MAML2: variants seen among roughly 807,000 people sequenced by gnomAD.
The protein encoded by MAML2 is mastermind-like protein 2.
MAML2 carries 22 observed loss-of-function variants against 96.1 expected under a neutral mutation model. The ratio of observed to expected loss-of-function variants is 0.23; its 90% CI spans 0.16 to 0.33. The LOEUF (loss-of-function observed/expected upper bound fraction) is 0.33, where lower values mean the gene tolerates loss of function less well. MAML2 is among the 10% of genes least tolerant of loss of function. The pLI is 1.00. For synonymous variants in MAML2, 561 were observed against 521.3 expected (o/e 1.08, Z -1.04); for missense variants, 1,367 against 1,392.4 (o/e 0.98, Z 0.29).
chr11:96,071,150 CAA>C (rs1859339521), intron 2 of MAML2, among the ~76,000 whole-genome samples: 1 of 152,206 alleles, frequency 6.6e-6, no homozygotes, highest in Non-Finnish European at 1.5e-5. Context: ...CAGAATGGGA[CAA>C]GAGTCAAAAG....
chr11:96,077,217 C>CCCTTTT lies in MAML2; in HGVS notation c.2139+14674_2139+14675insAAAAGG, dbSNP rs558743001. ...CTGACTTTTTACCCCAACTCTCTCT[C>CCCTTTT]TCTTTTTTTTTTTTTTTTTTTTAAA... On this transcript the variant is annotated intron_variant, in intron 2 of 4. Transcript: ENST00000524717. Among the ~76,000 whole-genome samples, 6 of 38,514 alleles carry CCCTTTT rather than the reference C, an allele frequency of 1.6e-4. No homozygotes were observed. The South Asian group carries it at 2.2e-3, about 14-fold the overall frequency. 25.3% of individuals were successfully genotyped at this position (38,514 alleles called of 152,430 possible).
intron 1 of MAML2, among the ~76,000 whole-genome samples, chr11:96,110,383 C>T (rs1198252639): frequency 6.6e-6 from 1 of 152,206 alleles, no homozygotes; most frequent in Non-Finnish European, 1.5e-5. Flanking sequence ...AGGATTCCGC[C>T]ATCTTGCCTA....
chr11:96,290,948 A>T (rs928794075), intron 1 of MAML2, among the ~76,000 whole-genome samples: 2 of 151,972 alleles, frequency 1.3e-5, no homozygotes, highest in Non-Finnish European at 2.9e-5. Context: ...CCTTCATCTT[A>T]TCAGGCTTGT....
At chr11:96,002,803 AG>A (rs1858107550) in intron 2 of MAML2, among the ~76,000 whole-genome samples, 1 of 112,836 alleles carries the variant, frequency 8.9e-6, no homozygotes, top group Admixed American at 9.1e-5. Flanking sequence ...GGGATGATGA[AG>A]ATGATGATGG....
intron 2 of MAML2, among the ~76,000 whole-genome samples, chr11:96,038,804 T>C (rs11021396): frequency 0.12 from 18,166 of 152,316 alleles, 1,378 homozygotes; most frequent in Admixed American, 0.17. Flanking sequence ...TTTCCTTATA[T>C]ACTTATTGTT....
chr11:96,003,156 G>T (rs974712095), intron 2 of MAML2, among the ~76,000 whole-genome samples: 1 of 149,270 alleles, frequency 6.7e-6, no homozygotes, highest in Non-Finnish European at 1.5e-5. Context: ...GGGATGAGGA[G>T]GATGATGGGG....
chr11:96,317,577 T>C (rs1466701041), intron 1 of MAML2, among the ~76,000 whole-genome samples: 1 of 152,220 alleles, frequency 6.6e-6, no homozygotes, highest in African/African-American at 2.4e-5. Flanking sequence ...TGGAAGTTAC[T>C]AGTGTCCCTT....
chr11:96,250,453 T>C (rs1287547697), intron 1 of MAML2, among the ~76,000 whole-genome samples: 4 of 152,216 alleles, frequency 2.6e-5, no homozygotes, highest in Admixed American at 2.6e-4. Flanking sequence ...TATATTATTG[T>C]TTGCTATAGT....
chr11:96,121,177 G>A (rs1860334519), intron 1 of MAML2, among the ~76,000 whole-genome samples: 2 of 152,192 alleles, frequency 1.3e-5, no homozygotes, highest in Admixed American at 1.3e-4. Context: ...CTCCGCACCA[G>A]CCTTGAAGAG....
intron 2 of MAML2, among the ~76,000 whole-genome samples, chr11:96,004,544 A>G (rs1159923315): frequency 6.6e-6 from 1 of 152,220 alleles, no homozygotes; most frequent in African/African-American, 2.4e-5. Flanking sequence ...TCAAGATAGC[A>G]AAGTGAGAAA....
At chr11:96,219,569 G>T (rs1862101086) in intron 1 of MAML2, among the ~76,000 whole-genome samples, 1 of 152,104 alleles carries the variant, frequency 6.6e-6, no homozygotes, top group South Asian at 2.1e-4. Flanking sequence ...TTCCAATGCT[G>T]CCCTGTCCTG....
intron 1 of MAML2, among the ~76,000 whole-genome samples, chr11:96,284,085 C>T (rs1162163767): frequency 6.6e-6 from 1 of 152,290 alleles, no homozygotes; most frequent in East Asian, 1.9e-4. Context: ...TATAATATCA[C>T]TTCCATTCTT....
rs549481097 is a variant in MAML2, at chr11:96,197,149, A to G, written c.514-103632T>C. Among the ~76,000 whole-genome samples, 8 of 152,268 alleles carry G rather than the reference A, an allele frequency of 5.3e-5. No individual in the cohort carries two copies. The South Asian group carries it at 1.7e-3, about 32-fold the overall frequency. On this transcript the variant is annotated intron_variant, in intron 1 of 4. Coordinates refer to ENST00000524717, the MANE Select transcript of MAML2 (RefSeq NM_032427.4). ...GTACAAATGCTGCATGTGGTGTGGT[A>G]AAGACCTGAATTGCTGCCCCACTTA...
At chr11:96,135,545 C>CT (rs10665067) in intron 1 of MAML2, among the ~76,000 whole-genome samples, 2,807 of 139,518 alleles carry the variant, frequency 0.02, 85 homozygotes, top group African/African-American at 0.047. Flanking sequence ...CAATCCAAGG[C>CT]TTTTTTTTTT....
Position 96,092,892 on chromosome 11 carries a change from G to A in MAML2, c.1139C>T (p.Pro380Leu), listed in dbSNP as rs1049476697. Residue 380 changes from proline (P) to leucine (L), a missense_variant, in exon 2 of 5, where the codon CCT (proline) becomes CTT (leucine). Physicochemically the swap from Pro to Leu is moderately conservative, Grantham distance 98 (BLOSUM62 -3). Coordinates refer to ENST00000524717, the MANE Select transcript of MAML2 (RefSeq NM_032427.4). This position sits in a 1 kb window ranked among gnomAD's most constrained non-coding sequence, Gnocchi z 4.1. ...GCCAGCTGATGGGGGCCTCAGCTGA[G>A]GAGAGCCTGAGGGGCCCTGAGTCAA... is the stretch of plus-strand genomic sequence containing the variant. The part of the protein sequence containing the change: ...PGLTQGPSGS[P>L]QLRPPSAGPA... The A allele has an allele frequency of 2.1e-5, 34 of 1,605,614 alleles. No homozygotes were observed. The highest frequency in any genetic ancestry group is 2.9e-5 in the Non-Finnish European group (34 of 1,175,716).
intron 1 of MAML2, among the ~76,000 whole-genome samples, chr11:96,132,705 T>C (rs1434776352): frequency 6.6e-6 from 1 of 152,234 alleles, no homozygotes; most frequent in Non-Finnish European, 1.5e-5. Context: ...CCAAATACTG[T>C]AGCTCTGATT....
intron 1 of MAML2, among the ~76,000 whole-genome samples, chr11:96,155,509 A>AATACATACATATAT (rs541216405): frequency 4.0e-5 from 3 of 74,848 alleles, no homozygotes; most frequent in Admixed American, 1.5e-4. Flanking sequence ...TAACAATTCA[A>AATACATACATATAT]ATATATATAT....
intron 2 of MAML2, among the ~76,000 whole-genome samples, chr11:95,992,886 T>C (rs57428484): frequency 0.11 from 15,857 of 145,746 alleles, 959 homozygotes; most frequent in East Asian, 0.29. Flanking sequence ...AACTCTCTCT[T>C]TTTTTTTTTT....
intron 1 of MAML2, among the ~76,000 whole-genome samples, chr11:96,264,302 C>G (rs1289196341): frequency 6.6e-6 from 1 of 152,148 alleles, no homozygotes; most frequent in Admixed American, 6.5e-5. Flanking sequence ...GCCCAGACCC[C>G]CATTCAGTTT....
Sources: allele counts gnomAD v4.1 joint callset (sites outside exome capture counted in the v4.1 genomes callset), GRCh38; gene constraint gnomAD v4.1.1; non-coding constraint Gnocchi (gnomAD v3.1); transcripts MANE v1.5; gene names NCBI Gene and HGNC (gene_info 2026-07-23, HGNC 2026-07-21).